Variants in NDUFA10 observed in about 807,000 individuals in gnomAD.
The protein encoded by NDUFA10 is NADH dehydrogenase [ubiquinone] 1 alpha subcomplex subunit 10, mitochondrial.
A neutral mutation model predicts 47.8 loss-of-function variants in NDUFA10; 40 were observed. The ratio of observed to expected loss-of-function variants is 0.84; its 90% CI spans 0.65 to 1.09. The LOEUF is 1.09. Ranked by LOEUF, NDUFA10 falls within the 50% of genes least tolerant of loss-of-function variation. The pLI, the probability that NDUFA10 is intolerant of heterozygous loss-of-function variation, is 0.00. For synonymous variants in NDUFA10, 183 were observed against 172.2 expected, an observed-to-expected ratio of 1.06 and a Z score of -0.49; for missense variants, 413 against 451.1, an observed-to-expected ratio of 0.92 and a Z score of 0.76.
chr2:239,973,749 C>A (rs79653649), intron 9 of NDUFA10: 27 of 385,198 alleles, frequency 7.0e-5, no homozygotes, highest in South Asian at 5.2e-4. Flanking sequence ...ATGTTTAAAA[C>A]GTGACTTTAA....
chr2:239,923,016 C>T (rs997388120), intron 4 of NDUFA10, among the ~76,000 whole-genome samples: 2 of 152,098 alleles, frequency 1.3e-5, no homozygotes, highest in Non-Finnish European at 2.9e-5. Flanking sequence ...GTATGAGTAG[C>T]TATATATGTT....
At chr2:239,979,998 C>G (rs1021446876) in intron 9 of NDUFA10, among the ~76,000 whole-genome samples, 1 of 152,006 alleles carries the variant, frequency 6.6e-6, no homozygotes, top group African/African-American at 2.4e-5. Context: ...TCCCTCACTC[C>G]CCTGTGGCGC....
chr2:239,994,809 A>G (rs1287434299), intron 8 of NDUFA10, among the ~76,000 whole-genome samples: 3 of 152,192 alleles, frequency 2.0e-5, no homozygotes, highest in Non-Finnish European at 2.9e-5. Context: ...ATAGGCATCT[A>G]GTCCAAAATG....
chr2:239,994,756 T>C (rs1375345518), intron 8 of NDUFA10, among the ~76,000 whole-genome samples: 9 of 152,044 alleles, frequency 5.9e-5, no homozygotes, highest in Non-Finnish European at 8.8e-5. Context: ...TTTTGAATAA[T>C]AGAGTATATC....
intron 4 of NDUFA10, among the ~76,000 whole-genome samples, chr2:239,914,394 C>T (rs1693805130): frequency 6.6e-6 from 1 of 150,802 alleles, no homozygotes; most frequent in South Asian, 2.1e-4. Flanking sequence ...CACACACATA[C>T]ATACACAGAC....
intron 8 of NDUFA10, among the ~76,000 whole-genome samples, chr2:240,003,652 C>A (rs1696821118): frequency 6.6e-6 from 1 of 152,220 alleles, no homozygotes; most frequent in Non-Finnish European, 1.5e-5. Flanking sequence ...ATTACAAAAT[C>A]ATCTCTGAAT....
intron 4 of NDUFA10, among the ~76,000 whole-genome samples, chr2:239,920,754 T>C (rs1207867786): frequency 6.6e-6 from 1 of 152,158 alleles, no homozygotes; most frequent in African/African-American, 2.4e-5. Flanking sequence ...TGGTTTTGTT[T>C]CTTGCTTTTT....
chr2:239,899,537 A>G (rs1452333700), intron 4 of NDUFA10, among the ~76,000 whole-genome samples: 1 of 151,924 alleles, frequency 6.6e-6, no homozygotes, highest in East Asian at 1.9e-4. Flanking sequence ...GATGAAACAG[A>G]AAACTGCGCC....
intron 9 of NDUFA10, among the ~76,000 whole-genome samples, chr2:239,961,634 G>A (rs552910370): frequency 1.8e-4 from 27 of 152,340 alleles, no homozygotes; most frequent in East Asian, 5.8e-4. Flanking sequence ...CCTCTGAAGA[G>A]GGCCTGCAGA....
At chr2:239,974,008 C>T (rs892294412) in intron 9 of NDUFA10, among the ~76,000 whole-genome samples, 5 of 152,154 alleles carry the variant, frequency 3.3e-5, no homozygotes, top group African/African-American at 4.8e-5. Context: ...CCCACTGCAA[C>T]CCCCGCCTCC....
At position 239,906,292 on chromosome 2, in the gene NDUFA10, C is replaced by A. The variant is rs79723422; in HGVS notation, c.295-10978G>T. Among the ~76,000 whole-genome samples the A allele has an allele frequency of 6.6e-6, 1 of 152,168 alleles. No individual in the cohort carries two copies. Among genetic ancestry groups the A allele is most frequent in the African/African-American group, 2.4e-5 (1 of 41,440 alleles). On this transcript the variant is annotated intron_variant, in intron 4 of 5. Coordinates refer to the NDUFA10 transcript ENST00000419408. The surrounding 1 kb of genome is among the most constrained non-coding windows in gnomAD (Gnocchi z 4.3). ...ACTGTTCAAGCTCTTAGCAAAACTGCGGCTTCAGTTGTGCCTTGCTGACTG... is the reference window on the plus strand; with the variant it reads ...ACTGTTCAAGCTCTTAGCAAAACTGAGGCTTCAGTTGTGCCTTGCTGACTG...
rs1694779769 is a variant in NDUFA10 at position 239,959,905 on chromosome 2, C to T, written c.*1213G>A. On this transcript the variant is annotated 3_prime_UTR_variant, in exon 10 of 10. Coordinates refer to ENST00000252711, the MANE Select transcript of NDUFA10 (RefSeq NM_004544.4). Reference sequence around the variant, plus strand: ...AGGGAAGGAGTGTGCATCTTCTTCGCATGCTCCGCAGCAGCGAGGCCTGGT... The same window carrying T: ...AGGGAAGGAGTGTGCATCTTCTTCGTATGCTCCGCAGCAGCGAGGCCTGGT... The T allele has an allele frequency of 1.0e-6, 1 of 985,476 alleles. No homozygotes were observed. The highest frequency in any genetic ancestry group is 1.2e-6 in the Non-Finnish European group (1 of 829,958). The allele number at this position is 985,476 out of a possible 1,614,324, so 61.0% of individuals were successfully genotyped here.
intron 6 of NDUFA10, among the ~76,000 whole-genome samples, chr2:240,010,249 G>A (rs1697089821): frequency 6.6e-6 from 1 of 152,166 alleles, no homozygotes; most frequent in East Asian, 1.9e-4. Context: ...AACAGAGACT[G>A]TATCTGTTCC....
chr2:239,899,424 GTGTGATGGAGGAA>G (rs1693495833), intron 4 of NDUFA10, among the ~76,000 whole-genome samples: 3 of 129,118 alleles, frequency 2.3e-5, no homozygotes, highest in Non-Finnish European at 5.2e-5. Context: ...TGATGGAGGG[GTGTGATGGAGGAA>G]TGTGGAGGGT....
chr2:239,987,733 G>A lies in NDUFA10; in HGVS notation c.999+2341C>T, dbSNP rs79442530. Among the ~76,000 whole-genome samples, 1,541 of 152,268 alleles carry A rather than the reference G, an allele frequency of 0.01. 24 individuals are homozygous for A. Among genetic ancestry groups the A allele is most frequent in the African/African-American group, 0.035 (1,467 of 41,562 alleles). On this transcript the variant is annotated intron_variant, in intron 9 of 9. Coordinates refer to ENST00000252711, the MANE Select transcript of NDUFA10 (RefSeq NM_004544.4). The surrounding 1 kb of genome is among the most constrained non-coding windows in gnomAD (Gnocchi z 4.8). The stretch of plus-strand genomic sequence containing the variant: ...CCAGGGAAGGGGTGGGCAGCCGTGG[G>A]GCGAATGCGCAGGCAGAGCTGCCGA...
At chr2:240,021,642 G>T (rs1238298429) in intron 2 of NDUFA10, among the ~76,000 whole-genome samples, 1 of 152,220 alleles carries the variant, frequency 6.6e-6, no homozygotes, top group Non-Finnish European at 1.5e-5. Context: ...CCTTATCCAG[G>T]TTCCTCCTGA....
At chr2:240,014,940 G>A in intron 4 of NDUFA10, 80 bp from the exon 5 acceptor site, 1 of 1,593,946 alleles carries the variant, frequency 6.3e-7, no homozygotes, top group Non-Finnish European at 8.6e-7. Flanking sequence ...TTGAATAAAA[G>A]GGCAAACATA....
chr2:239,955,668 A>G (rs1694638684), downstream of NDUFA10, among the ~76,000 whole-genome samples: 1 of 152,158 alleles, frequency 6.6e-6, no homozygotes, highest in Non-Finnish European at 1.5e-5. Context: ...CTTGGCCATG[A>G]GGACTGAGGG....
In NDUFA10 at chr2:240,019,556, C is replaced by T. The variant is rs1480883011; in HGVS notation, c.461-917G>A. ...CGTGGAGGCCGGGCGCGGTGGCTCA[C>T]GCCTGTAATCCCAGCACTTTGGGAG... On this transcript the variant is annotated intron_variant, in intron 3 of 9. Transcript: ENST00000252711. Among the ~76,000 whole-genome samples the T allele has an allele frequency of 1.1e-4, 3 of 27,636 alleles. 1 individual carries two copies. The highest frequency in any genetic ancestry group is 2.4e-4 in the Non-Finnish European group (3 of 12,578). 18.1% of individuals were successfully genotyped at this position (27,636 alleles called of 152,430 possible).
Sources: gnomAD v4.1 joint callset for allele counts (sites outside exome capture counted in the v4.1 genomes callset) on GRCh38, gnomAD v4.1.1 for gene constraint, Gnocchi (gnomAD v3.1) non-coding constraint, MANE v1.5 for transcripts, NCBI Gene and HGNC (gene_info 2026-07-23, HGNC 2026-07-21) for gene names.